DOCK10: variants seen among roughly 807,000 people sequenced by gnomAD.
DOCK10 encodes dedicator of cytokinesis 10.
A neutral mutation model predicts 280.1 loss-of-function variants in DOCK10; 145 were observed. That is an observed-to-expected ratio of 0.52 (90% CI 0.45 to 0.59). The LOEUF is 0.59. Ranked by LOEUF, DOCK10 falls within the 20% of genes least tolerant of loss-of-function variation. DOCK10 has a pLI of 0.00. For synonymous variants in DOCK10, 915 were observed against 942.2 expected (o/e 0.97, Z 0.53); for missense variants, 2,368 against 2,651.7 (o/e 0.89, Z 2.35).
intron 1 of DOCK10, among the ~76,000 whole-genome samples, chr2:224,987,730 G>A (rs982180671): frequency 2.0e-5 from 3 of 152,176 alleles, no homozygotes; most frequent in African/African-American, 7.2e-5. Flanking sequence ...AGAAGGCAGA[G>A]TATTCTAGCT....
chr2:224,830,653 T>C (rs757555090), intron 26 of DOCK10, 41 bp from the exon 27 acceptor site: 8 of 1,237,840 alleles, frequency 6.5e-6, no homozygotes, highest in Admixed American at 2.4e-5. Context: ...TATTATCCTA[T>C]GGCAAAATAA....
intron 6 of DOCK10, 117 bp downstream of exon 6, chr2:224,885,946 A>G: frequency 2.0e-6 from 3 of 1,498,996 alleles, no homozygotes; most frequent in Admixed American, 2.2e-5. Context: ...TTCCTCATAA[A>G]TAAAATATTA....
chr2:224,881,722 T>A (rs1698988143), intron 7 of DOCK10, among the ~76,000 whole-genome samples: 1 of 152,208 alleles, frequency 6.6e-6, no homozygotes, highest in African/African-American at 2.4e-5. Context: ...ACCACAAGTA[T>A]AATTTTGGTT....
chr2:224,883,896 TA>T (rs1178783768), intron 7 of DOCK10, among the ~76,000 whole-genome samples: 1 of 152,230 alleles, frequency 6.6e-6, no homozygotes, highest in African/African-American at 2.4e-5. Flanking sequence ...TGGTACTTCT[TA>T]AAAAATGATG....
intron 20 of DOCK10, 42 bp downstream of exon 20, chr2:224,845,477 A>G: frequency 6.3e-7 from 1 of 1,589,994 alleles, no homozygotes; most frequent in Non-Finnish European, 8.5e-7. Flanking sequence ...CAATTCAAAC[A>G]GAAGACATGT....
chr2:224,974,097 A>T (rs1705256221), intron 1 of DOCK10, among the ~76,000 whole-genome samples: 1 of 152,168 alleles, frequency 6.6e-6, no homozygotes. Flanking sequence ...TATCATGATT[A>T]CAATTTTCCA....
intron 2 of DOCK10, among the ~76,000 whole-genome samples, chr2:224,924,713 C>T (rs892590725): frequency 2.6e-5 from 4 of 152,314 alleles, no homozygotes; most frequent in Admixed American, 2.6e-4. Context: ...CAATCAAACA[C>T]AGACCAGGGT....
At chr2:225,005,583 G>A (rs959950531) in intron 1 of DOCK10, among the ~76,000 whole-genome samples, 1 of 152,040 alleles carries the variant, frequency 6.6e-6, no homozygotes, top group South Asian at 2.1e-4. Flanking sequence ...ACGTAAACAG[G>A]ACAACAGTAT....
chr2:224,981,032 C>T (rs879471163), intron 1 of DOCK10, among the ~76,000 whole-genome samples: 1 of 152,004 alleles, frequency 6.6e-6, no homozygotes, highest in Non-Finnish European at 1.5e-5. Context: ...ATGAGCACTA[C>T]ACATAGTTAA....
chr2:224,929,525 T>A (rs1260410245), intron 2 of DOCK10, among the ~76,000 whole-genome samples: 1 of 152,042 alleles, frequency 6.6e-6, no homozygotes, highest in Non-Finnish European at 1.5e-5. Context: ...AAGGACCACA[T>A]CTCGAAGCAG....
rs151057730 is a variant in DOCK10 at position 224,768,703 on chromosome 2, T to TC, written c.6444+1507dup. 9.9e-3 allele frequency among the ~76,000 whole-genome samples: 1,501 copies of TC among 152,208 alleles called. 16 individuals carry two copies. Among genetic ancestry groups the TC allele is most frequent in the African/African-American group, 0.034 (1,401 of 41,502 alleles). On this transcript the variant is annotated intron_variant, in intron 55 of 55. Coordinates refer to ENST00000258390, the MANE Select transcript of DOCK10 (RefSeq NM_014689.3). ...ACTTCAGTTTAAATCATGAGGCTTTTCCCCCCATTGACCTACCTTGAAATG... is the reference window on the plus strand; with the variant it reads ...ACTTCAGTTTAAATCATGAGGCTTTTCCCCCCCATTGACCTACCTTGAAATG...
chr2:225,004,266 A>G (rs1706514193), intron 1 of DOCK10, among the ~76,000 whole-genome samples: 1 of 152,252 alleles, frequency 6.6e-6, no homozygotes, highest in Non-Finnish European at 1.5e-5. Flanking sequence ...AGCAGAGGAA[A>G]AGACACAGAG....
At chr2:225,023,372 A>T (rs1689832880) in intron 1 of DOCK10, among the ~76,000 whole-genome samples, 1 of 152,176 alleles carries the variant, frequency 6.6e-6, no homozygotes, top group African/African-American at 2.4e-5. Context: ...TTCATTTTTG[A>T]CACATTTGCA....
rs960763913 is a variant in DOCK10, at chr2:224,765,622, A to G, written c.*99T>C. On this transcript the variant is annotated 3_prime_UTR_variant, in exon 56 of 56. Coordinates refer to ENST00000258390, the MANE Select transcript of DOCK10 (RefSeq NM_014689.3). ...CGAGGTAAACAAAAATATTAACACC[A>G]TGAAAACTTCAAATAAATTAAACCT... 1.2e-6 allele frequency: 1 copy of G among 847,716 alleles called. No homozygotes were observed. Among genetic ancestry groups the G allele is most frequent in the East Asian group, 2.9e-5 (1 of 34,934 alleles). The allele number at this position is 847,716 out of a possible 1,614,324, so 52.5% of individuals were successfully genotyped here.
intron 1 of DOCK10, among the ~76,000 whole-genome samples, chr2:225,038,434 T>A (rs1398561174): frequency 6.6e-6 from 1 of 152,172 alleles, no homozygotes; most frequent in Admixed American, 6.6e-5. Flanking sequence ...AGGTTCCGCT[T>A]CTTACTCAAA....
At chr2:224,876,800 C>T (rs944229844) in intron 7 of DOCK10, among the ~76,000 whole-genome samples, 4 of 152,178 alleles carry the variant, frequency 2.6e-5, no homozygotes, top group South Asian at 2.1e-4. Context: ...TCTCCTCTGC[C>T]AGCTGTTCCT....
At chr2:224,938,649 A>C (rs928929715) in intron 1 of DOCK10, among the ~76,000 whole-genome samples, 2 of 152,226 alleles carry the variant, frequency 1.3e-5, no homozygotes, top group African/African-American at 4.8e-5. Flanking sequence ...TCTAAATGAC[A>C]CATGGATTCT....
rs201069622 is a variant in DOCK10 at position 224,864,621 on chromosome 2, C to T, written c.1534G>A (p.Glu512Lys). The T allele has an allele frequency of 9.9e-6, 16 of 1,613,150 alleles. No individual in the cohort carries two copies. The highest frequency in any genetic ancestry group is 6.7e-5 in the Admixed American group (4 of 59,830). ...HSEIVLVAKI[E>K]KVLMGNIASG... is the part of the protein sequence containing the mutation. ...GCAATGTTTCCCATCAAGACTTTTT[C>T]GATTTTGGCCACCAAAACAATTTCA... is the stretch of plus-strand genomic sequence containing the variant. Residue 512 changes from glutamate to lysine, a missense_variant, in exon 13 of 56, where the codon GAA becomes AAA. This residue lies in a region of DOCK10 where 1,209 missense variants were observed against 1,250.9 expected (regional missense o/e 0.97). Transcript: ENST00000258390.
chr2:224,903,882 AG>A (rs1405600688), intron 3 of DOCK10, among the ~76,000 whole-genome samples: 12 of 152,222 alleles, frequency 7.9e-5, no homozygotes, highest in Non-Finnish European at 4.4e-5. Context: ...TAGAAATTTT[AG>A]TGAATAGAAA....
Sources: gnomAD v4.1 joint callset for allele counts (sites outside exome capture counted in the v4.1 genomes callset) on GRCh38, gnomAD v4.1.1 for gene constraint, gnomAD v4.1.1 regional missense constraint, MANE v1.5 for transcripts, NCBI Gene and HGNC (gene_info 2026-07-23, HGNC 2026-07-21) for gene names.